The following ACBD6 variants were observed in gnomAD, a reference collection of about 807,000 sequenced individuals.
ACBD6 encodes the protein acyl-CoA binding domain containing 6.
In ACBD6, 28 loss-of-function variants were observed where a neutral mutation model predicts 37.2. The observed-to-expected ratio is 0.75, with a 90% CI of 0.56 to 1.03. ACBD6 has a LOEUF of 1.03. Ranked by LOEUF, ACBD6 falls within the 50% of genes least tolerant of loss-of-function variation. The pLI, the probability that ACBD6 is intolerant of heterozygous loss-of-function variation, is 0.00. For synonymous variants in ACBD6, 113 were observed against 126.8 expected, an observed-to-expected ratio of 0.89 and a Z score of 0.73; for missense variants, 340 against 337.4, an observed-to-expected ratio of 1.01 and a Z score of -0.06.
At chr1:180,442,814 G>C (rs1339323658) in intron 3 of ACBD6, among the ~76,000 whole-genome samples, 1 of 150,982 alleles carries the variant, frequency 6.6e-6, no homozygotes, top group African/African-American at 2.5e-5. Flanking sequence ...GTTCCATTTT[G>C]ATACTTTTGC....
At chr1:180,397,433 CAA>C in intron 6 of ACBD6, 81 bp downstream of exon 6, 2 of 1,239,470 alleles carry the variant, frequency 1.6e-6, no homozygotes, top group Non-Finnish European at 1.2e-6. Context: ...TTGCACATTT[CAA>C]AAGAGTTAAT....
At chr1:180,321,163 T>C (rs1284930584) in intron 6 of ACBD6, among the ~76,000 whole-genome samples, 3 of 152,222 alleles carry the variant, frequency 2.0e-5, no homozygotes, top group African/African-American at 7.2e-5. Context: ...TCTATTTTTA[T>C]GTCAATACCA....
intron 3 of ACBD6, among the ~76,000 whole-genome samples, chr1:180,472,619 G>A (rs562872320): frequency 1.3e-5 from 2 of 152,236 alleles, no homozygotes; most frequent in East Asian, 3.9e-4. Flanking sequence ...CAATAATACA[G>A]TAATTGAACT....
At chr1:180,493,257 AAAAAAAAAAAAAAAAAAAAAACAAC>A (rs990667723) in intron 2 of ACBD6, among the ~76,000 whole-genome samples, 1 of 93,498 alleles carries the variant, frequency 1.1e-5, no homozygotes, top group African/African-American at 4.4e-5. Flanking sequence ...CAAAAAAAAA[AAAAAAAAAAAAAAAAAAAAAACAAC>A]AACAGCAACT....
intron 6 of ACBD6, among the ~76,000 whole-genome samples, chr1:180,332,358 C>A (rs1056086549): frequency 6.6e-6 from 1 of 152,180 alleles, no homozygotes; most frequent in African/African-American, 2.4e-5. Context: ...TCCCTGTTAC[C>A]TGTCCATGGC....
chr1:180,466,007 G>C (rs925960634), intron 3 of ACBD6, among the ~76,000 whole-genome samples: 8 of 152,090 alleles, frequency 5.3e-5, no homozygotes, highest in Admixed American at 1.3e-4. Context: ...TCTACTTGAG[G>C]GGGGAGGGTG....
chr1:180,483,406 A>G (rs183266122), intron 3 of ACBD6, among the ~76,000 whole-genome samples: 4 of 152,162 alleles, frequency 2.6e-5, no homozygotes, highest in Admixed American at 1.3e-4. Flanking sequence ...CAACTTTACT[A>G]ATACATTATT....
intron 3 of ACBD6, among the ~76,000 whole-genome samples, chr1:180,460,800 G>A (rs1170528428): frequency 1.3e-5 from 2 of 152,146 alleles, no homozygotes; most frequent in Non-Finnish European, 2.9e-5. Context: ...GAAAGAATTA[G>A]CACAAAAACA....
chr1:180,451,099 G>A (rs1649684919), intron 3 of ACBD6, among the ~76,000 whole-genome samples: 1 of 152,044 alleles, frequency 6.6e-6, no homozygotes, highest in African/African-American at 2.4e-5. Flanking sequence ...CAACAAGAAA[G>A]GGAAATGTAA....
At chr1:180,296,014 G>T (rs958212215) in intron 7 of ACBD6, among the ~76,000 whole-genome samples, 5 of 152,200 alleles carry the variant, frequency 3.3e-5, no homozygotes, top group African/African-American at 9.6e-5. Flanking sequence ...AGGCTTTTGT[G>T]CCAGTCAGCC....
Position 180,413,462 on chromosome 1 carries a change from G to A in ACBD6, c.477C>T (p.Asp159=). ...LYHEETIREE[D]KNIFDYCREN... is the part of the protein sequence containing the mutation. The stretch of plus-strand genomic sequence containing the variant: ...CCCTGCAGTAATCAAATATATTTTT[G>A]TCTTCTTCCCTAGAATAAAAAAAAG... The change falls in exon 5 of 8, where the codon GAC becomes GAT. Residue 159 remains aspartate, a synonymous_variant. Coordinates refer to ENST00000367595, the MANE Select transcript of ACBD6 (RefSeq NM_032360.4). 1 of 1,610,378 alleles carries A rather than the reference G, an allele frequency of 6.2e-7. No homozygotes were observed. Among genetic ancestry groups the A allele is most frequent in the Non-Finnish European group, 8.5e-7 (1 of 1,178,258 alleles).
At chr1:180,387,913 C>T (rs953465474) in intron 6 of ACBD6, among the ~76,000 whole-genome samples, 2 of 152,118 alleles carry the variant, frequency 1.3e-5, no homozygotes, top group African/African-American at 4.8e-5. Flanking sequence ...CGGTGGCTCA[C>T]ACCTGTAATC....
intron 5 of ACBD6, among the ~76,000 whole-genome samples, chr1:180,400,615 CA>C (rs1647311126): frequency 6.6e-6 from 1 of 152,094 alleles, no homozygotes; most frequent in African/African-American, 2.4e-5. Context: ...TTTAAATGAA[CA>C]AAAACCAGCA....
chr1:180,479,579 T>C (rs1489859664), intron 3 of ACBD6, among the ~76,000 whole-genome samples: 1 of 152,120 alleles, frequency 6.6e-6, no homozygotes, highest in Non-Finnish European at 1.5e-5. Context: ...AATTCAATGT[T>C]TGATAGCAGA....
At chr1:180,466,126 T>C (rs1016301300) in intron 3 of ACBD6, among the ~76,000 whole-genome samples, 28 of 152,146 alleles carry the variant, frequency 1.8e-4, no homozygotes, top group African/African-American at 5.3e-4. Context: ...AACCTTCACA[T>C]GTACCCATAA....
chr1:180,349,033 AT>A (rs1652298303), intron 6 of ACBD6, among the ~76,000 whole-genome samples: 1 of 150,568 alleles, frequency 6.6e-6, no homozygotes, highest in Admixed American at 6.6e-5. Flanking sequence ...CGAAGGGGCA[AT>A]TTTTTCCTGA....
intron 6 of ACBD6, among the ~76,000 whole-genome samples, chr1:180,323,360 A>C (rs748773947): frequency 6.6e-6 from 1 of 152,098 alleles, no homozygotes; most frequent in Non-Finnish European, 1.5e-5. Flanking sequence ...TTATGTGCCG[A>C]GAAGAATGTG....
chr1:180,408,413 G>A (rs192029618), intron 5 of ACBD6, among the ~76,000 whole-genome samples: 4 of 152,038 alleles, frequency 2.6e-5, no homozygotes, highest in Admixed American at 2.0e-4. Flanking sequence ...GTAAACTATC[G>A]CAAAGACAAA....
chr1:180,304,332 T>C (rs1052175307), intron 7 of ACBD6, among the ~76,000 whole-genome samples: 3 of 150,944 alleles, frequency 2.0e-5, no homozygotes, highest in African/African-American at 7.2e-5. Context: ...TGTTTGCAGA[T>C]GACATGACTG....
Sources: allele counts gnomAD v4.1 joint callset (sites outside exome capture counted in the v4.1 genomes callset), GRCh38; gene constraint gnomAD v4.1.1; transcripts MANE v1.5; gene names NCBI Gene and HGNC (gene_info 2026-07-23, HGNC 2026-07-21).